The following SLC49A3 variants were observed in gnomAD, a reference collection of about 807,000 sequenced individuals.
SLC49A3 encodes the protein solute carrier family 49 member A3.
SLC49A3 carries 50 observed loss-of-function variants against 43.8 expected under a neutral mutation model. The ratio of observed to expected loss-of-function variants is 1.14; its 90% CI spans 0.91 to 1.45. The LOEUF is 1.45. Among genes scored for constraint, SLC49A3 ranks in the 40% most tolerant of loss-of-function variants. The probability of loss-of-function intolerance (pLI) is 0.00; values close to 1 mark genes in which losing one functional copy is unlikely to be tolerated. For missense variants in SLC49A3, 906 were observed against 774.1 expected, an observed-to-expected ratio of 1.17 and a Z score of -2.02; for synonymous variants, 413 against 352.0, an observed-to-expected ratio of 1.17 and a Z score of -1.94.
At chr4:691,282 C>A (rs371541364), upstream of SLC49A3, among the ~76,000 whole-genome samples, 419 of 115,632 alleles carry the variant, frequency 3.6e-3, no homozygotes, top group Middle Eastern at 0.012. Flanking sequence ...GACTCTGTCT[C>A]AAAAAAAAAA....
chr4:678,362 A>C (rs1224906329), downstream of SLC49A3: 3 of 1,412,894 alleles, frequency 2.1e-6, no homozygotes, highest in African/African-American at 2.9e-5. Flanking sequence ...TCAAGCCTTC[A>C]GAGGCCAAGC....
chr4:678,049 T>A (rs1194731081), downstream of SLC49A3: 1 of 1,613,110 alleles, frequency 6.2e-7, no homozygotes, highest in Non-Finnish European at 8.5e-7. Context: ...CCGCCGTGCA[T>A]GCCTGGGGCA....
chr4:678,114 G>A, downstream of SLC49A3: 1 of 1,584,036 alleles, frequency 6.3e-7, no homozygotes, highest in Non-Finnish European at 8.6e-7. Context: ...GACGAGCGTG[G>A]GCGTGTCCGT....
At chr4:689,848 G>GT (rs368393797), upstream of SLC49A3, among the ~76,000 whole-genome samples, 1 of 152,370 alleles carries the variant, frequency 6.6e-6, no homozygotes, top group African/African-American at 2.4e-5. Flanking sequence ...AGAGGAGGGA[G>GT]TTTCGGCTTA....
Position 685,660 on chromosome 4 carries a change from C to T in SLC49A3, c.585+175G>A, listed in dbSNP as rs184294029. ...GGCGGAGGTTGCAGTGAGCCGAGAT[C>T]GCGCCACTGCAATTCAGCCTGAGCG... On this transcript the variant is annotated intron_variant, in intron 4 of 9. Transcript: ENST00000322224. This position sits in a 1 kb window ranked among gnomAD's most constrained non-coding sequence, Gnocchi z 4.3. 1.5e-3 allele frequency among the ~76,000 whole-genome samples: 230 copies of T among 152,090 alleles called. No homozygotes were observed. Among genetic ancestry groups the T allele is most frequent in the Admixed American group, 2.4e-3 (36 of 15,262 alleles).
In SLC49A3 at chr4:682,834, G is replaced by T. The variant is rs756620651; in HGVS notation, c.1208C>A (p.Ser403Ter). ...LAMTALTVRR[S>*]EPSLSTCQQG... is the part of the protein sequence containing the mutation. ...CTGGCAGGTGGACAAGGACGGCTCC[G>T]AGCGTCGCACAGTCAGTGCCGTCAT... is the stretch of plus-strand genomic sequence containing the variant. The change falls in exon 9 of 10, where the codon TCG (serine) becomes TAG (stop). Residue 403 changes from serine to a stop codon, truncating the protein, a stop_gained. Transcript: ENST00000322224. LOFTEE classifies it high-confidence loss of function. The T allele has an allele frequency of 6.2e-7, 1 of 1,605,430 alleles. No homozygotes were observed.
chr4:679,134 C>A, downstream of SLC49A3: 1 of 923,090 alleles, frequency 1.1e-6, no homozygotes, highest in Admixed American at 2.7e-5. Flanking sequence ...GAGCCAGGGC[C>A]CGCGCCTCAG....
downstream of SLC49A3, chr4:678,738 G>A: frequency 6.2e-7 from 1 of 1,611,834 alleles, no homozygotes. Flanking sequence ...CCAACTTTGA[G>A]CAGACTCAGA....
Position 685,981 on chromosome 4 carries a change from C to T in SLC49A3, c.509-70G>A. 1.2e-6 allele frequency: 2 copies of T among 1,609,332 alleles called. No individual in the cohort carries two copies. The highest frequency in any genetic ancestry group is 1.1e-5 in the South Asian group (1 of 90,662). ...CTTCATCGCCAGCCCACAGGCAGAA[C>T]CTTCCGGGCCCCAGCTCCTCCACCC... On this transcript the variant is annotated intron_variant, in intron 3 of 9. Transcript: ENST00000322224. This position sits in a 1 kb window ranked among gnomAD's most constrained non-coding sequence, Gnocchi z 4.3.
downstream of SLC49A3, chr4:681,013 C>G: frequency 6.7e-7 from 1 of 1,493,536 alleles, no homozygotes; most frequent in Non-Finnish European, 9.1e-7. Context: ...AACCTGGGGC[C>G]CCTGGAGCAC....
downstream of SLC49A3, chr4:681,801 G>A (rs1190907854): frequency 8.2e-7 from 1 of 1,223,770 alleles, no homozygotes; most frequent in Non-Finnish European, 1.0e-6. Context: ...TCCCCCTCCC[G>A]CGGCGCAGAA....
rs374110075 is a variant in SLC49A3, at chr4:686,501, G to A, written c.294+31C>T. 48 of 1,605,926 alleles carry A rather than the reference G, an allele frequency of 3.0e-5. No individual in the cohort carries two copies. The African/African-American group carries it at 3.2e-4, about 11-fold the overall frequency. On this transcript the variant is annotated intron_variant, in intron 2 of 9. Coordinates refer to ENST00000322224, the MANE Select transcript of SLC49A3 (RefSeq NM_032219.4). The stretch of plus-strand genomic sequence containing the variant: ...AATGCGGGGGCCCCTGCACTGTCCC[G>A]GAGCGGGCCATGGTGTGGGGTCTGA...
chr4:689,964 G>A (rs1357638772), upstream of SLC49A3, among the ~76,000 whole-genome samples: 2 of 152,204 alleles, frequency 1.3e-5, no homozygotes, highest in Non-Finnish European at 2.9e-5. Flanking sequence ...GGGGTGGGGT[G>A]GAGGCTGGCC....
downstream of SLC49A3, chr4:678,776 C>T: frequency 6.2e-7 from 1 of 1,608,442 alleles, no homozygotes; most frequent in Non-Finnish European, 8.5e-7. Context: ...GTGAGACTTT[C>T]CTGCTTCACT....
upstream of SLC49A3, among the ~76,000 whole-genome samples, chr4:689,909 G>A (rs1355594502): frequency 6.6e-6 from 1 of 152,220 alleles, no homozygotes; most frequent in African/African-American, 2.4e-5. Context: ...GGCCCACCCT[G>A]GGGGAACCCA....
downstream of SLC49A3, chr4:678,926 G>T: frequency 6.2e-7 from 1 of 1,612,730 alleles, no homozygotes; most frequent in Non-Finnish European, 8.5e-7. Flanking sequence ...CAGCCGGGTT[G>T]GCAGCACAGC....
downstream of SLC49A3, chr4:678,002 C>T (rs375255290): frequency 1.2e-5 from 19 of 1,613,360 alleles, no homozygotes; most frequent in East Asian, 6.7e-5. Flanking sequence ...CCTGGGCAGA[C>T]GCATCAAAGC....
upstream of SLC49A3, among the ~76,000 whole-genome samples, chr4:691,060 G>T (rs1030606659): frequency 6.6e-6 from 1 of 152,208 alleles, no homozygotes; most frequent in Non-Finnish European, 1.5e-5. Context: ...GCCAAGGCAG[G>T]TGGATCACAA....
chr4:680,629 C>T (rs942636997), downstream of SLC49A3: 5 of 1,587,950 alleles, frequency 3.1e-6, no homozygotes, highest in East Asian at 2.2e-5. Flanking sequence ...TTCCGGGGAA[C>T]CCCAGTGATC....
Sources: gnomAD v4.1 joint callset for allele counts (sites outside exome capture counted in the v4.1 genomes callset) on GRCh38, gnomAD v4.1.1 for gene constraint, Gnocchi (gnomAD v3.1) non-coding constraint, MANE v1.5 for transcripts, NCBI Gene and HGNC (gene_info 2026-07-23, HGNC 2026-07-21) for gene names.